Variants in SAP130 observed in about 807,000 individuals in gnomAD.
The protein encoded by SAP130 is Sin3A associated protein 130.
Under a neutral mutation model 103.2 loss-of-function variants are expected in SAP130, and 16 were observed. The ratio of observed to expected loss-of-function variants is 0.16; its 90% confidence interval spans 0.10 to 0.24. The LOEUF (loss-of-function observed/expected upper bound fraction) is 0.24, where lower values mean the gene tolerates loss of function less well. SAP130 is among the 10% of genes least tolerant of loss of function. SAP130 has a pLI of 1.00. For missense variants in SAP130, 990 were observed against 1,359.7 expected (o/e 0.73, Z 4.28); for synonymous variants, 477 against 497.0 (o/e 0.96, Z 0.53).
intron 15 of SAP130, among the ~76,000 whole-genome samples, chr2:127,974,492 A>C (rs1681314199): frequency 6.6e-6 from 1 of 152,114 alleles, no homozygotes; most frequent in Non-Finnish European, 1.5e-5. Flanking sequence ...TGAACAAAGG[A>C]CCATACACAT....
chr2:127,951,809 A>G (rs980726346), intron 16 of SAP130, among the ~76,000 whole-genome samples: 2 of 152,074 alleles, frequency 1.3e-5, no homozygotes, highest in Non-Finnish European at 2.9e-5. Context: ...CTCTCTTGGG[A>G]TGACTACTTC....
chr2:128,011,922 C>T (rs1191654789), intron 6 of SAP130, among the ~76,000 whole-genome samples: 6 of 152,302 alleles, frequency 3.9e-5, no homozygotes, highest in Non-Finnish European at 8.8e-5. Flanking sequence ...AAGTGATTCT[C>T]CCACCTCAGC....
chr2:127,948,723 G>A (rs1679296700), intron 18 of SAP130, among the ~76,000 whole-genome samples: 1 of 152,160 alleles, frequency 6.6e-6, no homozygotes, highest in African/African-American at 2.4e-5. Context: ...CTGCACTAAA[G>A]TTTCATAGTC....
Position 128,015,807 on chromosome 2 carries a change from G to C in SAP130, c.507+582C>G, listed in dbSNP as rs1003677552. 2.8e-4 allele frequency among the ~76,000 whole-genome samples: 42 copies of C among 151,946 alleles called. 1 individual carries two copies. The highest frequency in any genetic ancestry group is 1.8e-3 in the Admixed American group (28 of 15,240). On this transcript the variant is annotated intron_variant, in intron 4 of 20. Coordinates refer to ENST00000643581, the MANE Select transcript of SAP130 (RefSeq NM_001330301.2). ...AATAAAAAAATTAGCTGGGGGTGGT[G>C]GTGCCCGCTTGTAATCCTAGCTACT...
In SAP130 at chr2:128,010,301, C is replaced by T. The variant is rs779296811; in HGVS notation, c.837G>A (p.Thr279=). The T allele has an allele frequency of 1.1e-5, 18 of 1,613,756 alleles. No homozygotes were observed. Among genetic ancestry groups the T allele is most frequent in the East Asian group, 2.2e-5 (1 of 44,902 alleles). Residue 279 remains threonine, a synonymous_variant, in exon 7 of 21, where the codon ACG becomes ACA. Coordinates refer to ENST00000643581, the MANE Select transcript of SAP130 (RefSeq NM_001330301.2). Reference sequence around the variant, plus strand: ...CTGAATCAGTAGCATGCGCCGCTGTCGTAGTGATGACTGGAGACTGAGCTC... The same window carrying T: ...CTGAATCAGTAGCATGCGCCGCTGTTGTAGTGATGACTGGAGACTGAGCTC... The part of the protein sequence containing the change: ...ATRAQSPVIT[T]TAAHATDSAL...
Position 128,013,163 on chromosome 2 carries a change from A to T in SAP130, c.620-9T>A. 1 of 1,589,926 alleles carries T rather than the reference A, an allele frequency of 6.3e-7. No homozygotes were observed. The highest frequency in any genetic ancestry group is 8.5e-7 in the Non-Finnish European group (1 of 1,171,900). On this transcript the variant is annotated splice_polypyrimidine_tract_variant and intron_variant, in intron 5 of 20. Transcript: ENST00000643581. The stretch of plus-strand genomic sequence containing the variant: ...AGCAGCAGCAGCTGCACCTGAAAAA[A>T]AAAAAGTGTTTATTATATTTATTCT...
Position 127,941,732 on chromosome 2 carries a change from C to A in SAP130, c.*274G>T. The A allele has an allele frequency of 2.3e-6, 1 of 429,676 alleles. No homozygotes were observed. Among genetic ancestry groups the A allele is most frequent in the Non-Finnish European group, 4.1e-6 (1 of 244,288 alleles). 26.6% of individuals were successfully genotyped at this position (429,676 alleles called of 1,614,324 possible). On this transcript the variant is annotated 3_prime_UTR_variant, in exon 21 of 21. Transcript: ENST00000643581. The stretch of plus-strand genomic sequence containing the variant: ...CACCAGCCAGCCATCCTTGTCATTG[C>A]TTCCAACTGGTGGACACTGATGCAT...
At chr2:128,016,277 CTGTT>C (rs1172108812) in intron 4 of SAP130, 108 bp downstream of exon 4, 6 of 1,110,940 alleles carry the variant, frequency 5.4e-6, no homozygotes, top group Admixed American at 2.2e-5. Flanking sequence ...GTATCAGTGA[CTGTT>C]TGATCTTTTT....
Position 127,972,997 on chromosome 2 carries a change from G to A in SAP130, c.2063+4988C>T, listed in dbSNP as rs115376672. On this transcript the variant is annotated intron_variant, in intron 15 of 20. Transcript: ENST00000643581. ...GTTCATTAGCTGAAGACTAACTGTGGCACCAACACACCTCAGAACATCACA... is the reference window on the plus strand; with the variant it reads ...GTTCATTAGCTGAAGACTAACTGTGACACCAACACACCTCAGAACATCACA... 8.5e-3 allele frequency among the ~76,000 whole-genome samples: 1,297 copies of A among 152,212 alleles called. 15 individuals carry two copies. Among genetic ancestry groups the A allele is most frequent in the African/African-American group, 0.03 (1,252 of 41,526 alleles).
At chr2:127,950,089 T>TA in intron 17 of SAP130, 71 bp downstream of exon 17, 1 of 1,609,040 alleles carries the variant, frequency 6.2e-7, no homozygotes, top group Non-Finnish European at 8.5e-7. Context: ...GCTGACTATG[T>TA]AACGAGCCTC....
At chr2:128,013,411 T>A (rs543297615) in intron 5 of SAP130, among the ~76,000 whole-genome samples, 1 of 152,194 alleles carries the variant, frequency 6.6e-6, no homozygotes, top group Non-Finnish European at 1.5e-5. Context: ...GTGTGCACAG[T>A]GGTAAAGCAC....
At chr2:127,972,759 A>T (rs2104886038) in intron 15 of SAP130, among the ~76,000 whole-genome samples, 1 of 152,174 alleles carries the variant, frequency 6.6e-6, no homozygotes, top group East Asian at 1.9e-4. Context: ...TTCTGTCTAA[A>T]AAAAAAGTAA....
chr2:128,014,578 C>G (rs1373516140), intron 5 of SAP130, among the ~76,000 whole-genome samples: 1 of 152,190 alleles, frequency 6.6e-6, no homozygotes, highest in Non-Finnish European at 1.5e-5. Context: ...CTCAAGTGAA[C>G]CTACCACCTC....
At chr2:127,967,514 T>G (rs1035844173) in intron 15 of SAP130, among the ~76,000 whole-genome samples, 3 of 152,194 alleles carry the variant, frequency 2.0e-5, no homozygotes, top group African/African-American at 7.2e-5. Flanking sequence ...ATTCTCTGCC[T>G]TAGCCTCCCG....
intron 15 of SAP130, among the ~76,000 whole-genome samples, chr2:127,968,363 G>A (rs980512587): frequency 2.7e-5 from 4 of 150,894 alleles, no homozygotes; most frequent in East Asian, 3.9e-4. Flanking sequence ...TGTCCGCATC[G>A]GCCTCCCAAA....
chr2:128,002,540 T>A (rs748998094), intron 7 of SAP130, among the ~76,000 whole-genome samples: 2 of 151,050 alleles, frequency 1.3e-5, no homozygotes, highest in Non-Finnish European at 3.0e-5. Context: ...AAAAAATAAA[T>A]AAAAAAATAA....
At position 128,017,783 on chromosome 2, in the gene SAP130, G is replaced by A; in HGVS notation, c.245C>T (p.Ser82Leu). The change falls in exon 3 of 21, where the codon TCG becomes TTG. Residue 82 changes from serine to leucine, a missense_variant. By Grantham distance (145) the Ser-to-Leu change is moderately radical. Around this residue, in one of 6 missense-constraint regions of SAP130, gnomAD observed 167 missense variants for 187.4 expected, o/e 0.89. Transcript: ENST00000643581. The part of the protein sequence containing the change: ...VRPYPQVQML[S>L]THHAVASATP... ...GGCTGATGCGACAGCATGGTGTGTCGACAACATCTGCACCTGTGGATAGGG... is the reference window on the plus strand; with the variant it reads ...GGCTGATGCGACAGCATGGTGTGTCAACAACATCTGCACCTGTGGATAGGG... 2 of 1,614,168 alleles carry A rather than the reference G, an allele frequency of 1.2e-6. No individual in the cohort carries two copies. Among genetic ancestry groups the A allele is most frequent in the Non-Finnish European group, 8.5e-7 (1 of 1,180,034 alleles).
At chr2:128,027,834 T>C (rs1192587065) in intron 1 of SAP130, 106 bp downstream of exon 1, 38 of 747,022 alleles carry the variant, frequency 5.1e-5, no homozygotes, top group Non-Finnish European at 6.2e-5. Flanking sequence ...GAGGATCCTC[T>C]GCCCTTCCCC....
intron 18 of SAP130, among the ~76,000 whole-genome samples, chr2:127,947,181 C>A (rs1340879480): frequency 1.3e-5 from 2 of 151,996 alleles, no homozygotes; most frequent in Non-Finnish European, 2.9e-5. Context: ...AGGAAGGATT[C>A]TCCTCTACTG....
Sources: gnomAD v4.1 joint callset for allele counts (sites outside exome capture counted in the v4.1 genomes callset) on GRCh38, gnomAD v4.1.1 for gene constraint, gnomAD v4.1.1 regional missense constraint, MANE v1.5 for transcripts, NCBI Gene and HGNC (gene_info 2026-07-23, HGNC 2026-07-21) for gene names.